ARHGEF33: variants seen among roughly 807,000 people sequenced by gnomAD.
The protein encoded by ARHGEF33 is DH and coiled-coil domain-containing protein ENSP00000381780.
In ARHGEF33, 72 loss-of-function variants were observed where a neutral mutation model predicts 101.9. That is an observed-to-expected ratio of 0.71 (90% CI 0.58 to 0.86). The LOEUF (loss-of-function observed/expected upper bound fraction) is 0.86. Among genes scored for constraint, ARHGEF33 ranks in the 40% least tolerant of loss-of-function variants. The pLI, the probability that ARHGEF33 is intolerant of heterozygous loss-of-function variation, is 0.00. For synonymous variants in ARHGEF33, 499 were observed against 442.5 expected, an observed-to-expected ratio of 1.13 and a Z score of -1.60; for missense variants, 1,169 against 1,111.3, an observed-to-expected ratio of 1.05 and a Z score of -0.74.
chr2:38,906,345 C>G (rs1480743632), intron 2 of ARHGEF33, among the ~76,000 whole-genome samples: 1 of 152,018 alleles, frequency 6.6e-6, no homozygotes, highest in Non-Finnish European at 1.5e-5. Flanking sequence ...TTGTTCCAAA[C>G]AAGGAAATTG....
At chr2:38,896,200 G>A (rs1234056129) in intron 2 of ARHGEF33, among the ~76,000 whole-genome samples, 16 of 152,170 alleles carry the variant, frequency 1.1e-4, no homozygotes, top group Admixed American at 9.8e-4. Flanking sequence ...GTGCAGTGGT[G>A]TGATCTTAGG....
chr2:38,959,647 C>T (rs749927728), intron 15 of ARHGEF33, 194 bp from the exon 16 acceptor site: 9 of 585,618 alleles, frequency 1.5e-5, no homozygotes, highest in Non-Finnish European at 2.6e-5. Flanking sequence ...CGGGCCTCCG[C>T]TCGACGGACT....
chr2:38,950,678 G>C (rs750565480), intron 10 of ARHGEF33, among the ~76,000 whole-genome samples: 1 of 152,184 alleles, frequency 6.6e-6, no homozygotes, highest in Non-Finnish European at 1.5e-5. Flanking sequence ...TCGAACTCCT[G>C]ACCTCAGGTG....
intron 12 of ARHGEF33, 104 bp downstream of exon 12, chr2:38,953,349 T>G: frequency 1.4e-6 from 1 of 726,950 alleles, no homozygotes; most frequent in Admixed American, 2.1e-5. Context: ...CTTTCTAGGC[T>G]GGGGAATGGC....
chr2:38,892,239 C>G (rs776498960), intron 1 of ARHGEF33, among the ~76,000 whole-genome samples: 1 of 152,134 alleles, frequency 6.6e-6, no homozygotes, highest in Non-Finnish European at 1.5e-5. Flanking sequence ...GGGGCAATGC[C>G]AGCCCTTTCC....
chr2:38,943,869 A>G (rs1667373904), intron 9 of ARHGEF33, 32 bp from the exon 10 acceptor site: 2 of 1,543,380 alleles, frequency 1.3e-6, no homozygotes, highest in Admixed American at 2.0e-5. Flanking sequence ...AGAAATGGTT[A>G]ATATCAAGTC....
chr2:38,907,184 G>A (rs962116741), intron 2 of ARHGEF33, among the ~76,000 whole-genome samples: 2 of 152,170 alleles, frequency 1.3e-5, no homozygotes, highest in African/African-American at 4.8e-5. Flanking sequence ...TAGTACCCAG[G>A]GACCATCGCT....
At chr2:38,927,799 T>G (rs183493048) in intron 4 of ARHGEF33, among the ~76,000 whole-genome samples, 73 of 152,344 alleles carry the variant, frequency 4.8e-4, no homozygotes, top group African/African-American at 1.7e-3. Flanking sequence ...TTCCTCCACT[T>G]GATAGAGTGT....
chr2:38,951,044 G>T lies in ARHGEF33; in HGVS notation c.976G>T (p.Ala326Ser). Residue 326 changes from alanine to serine, a missense_variant, in exon 11 of 18, where the codon GCA becomes TCA. Coordinates refer to ENST00000409978, the MANE Select transcript of ARHGEF33 (RefSeq NM_001145451.5). ...LVQQHLDLLH[A>S]LQERVLKWPR... ...CCAGCAGCACCTGGATCTGCTTCAC[G>T]CACTGCAGGAAAGGGTCCTGAAGTG... 2 of 1,552,076 alleles carry T rather than the reference G, an allele frequency of 1.3e-6. No homozygotes were observed. The highest frequency in any genetic ancestry group is 1.7e-6 in the Non-Finnish European group (2 of 1,146,992).
Position 38,929,692 on chromosome 2 carries a change from C to T in ARHGEF33, c.241-17C>T. On this transcript the variant is annotated splice_polypyrimidine_tract_variant and intron_variant, in intron 5 of 17. Coordinates refer to ENST00000409978, the MANE Select transcript of ARHGEF33 (RefSeq NM_001145451.5). ...CCCCATGTACCACGTTAAAACATAGCAATTCTTATTTTTTAGGAAGAGCTG... is the reference window on the plus strand; with the variant it reads ...CCCCATGTACCACGTTAAAACATAGTAATTCTTATTTTTTAGGAAGAGCTG... The T allele has an allele frequency of 1.9e-6, 3 of 1,549,378 alleles. No individual in the cohort carries two copies. Among genetic ancestry groups the T allele is most frequent in the Non-Finnish European group, 2.6e-6 (3 of 1,145,098 alleles).
At chr2:38,948,961 T>C (rs1480576906) in intron 10 of ARHGEF33, among the ~76,000 whole-genome samples, 1 of 152,148 alleles carries the variant, frequency 6.6e-6, no homozygotes, top group Admixed American at 6.5e-5. Flanking sequence ...AGCGCTCAGG[T>C]CAGGAGGCCT....
intron 17 of ARHGEF33, among the ~76,000 whole-genome samples, chr2:38,971,426 G>A (rs540976179): frequency 1.3e-5 from 2 of 152,180 alleles, no homozygotes; most frequent in South Asian, 4.1e-4. Context: ...CCTGCAGTCG[G>A]CCACGGTGGC....
chr2:38,949,661 T>A (rs113771030), intron 10 of ARHGEF33, among the ~76,000 whole-genome samples: 6,448 of 152,264 alleles, frequency 0.042, 281 homozygotes, highest in African/African-American at 0.11. Flanking sequence ...GCCTGGTCAG[T>A]AGCTGTGTTA....
At chr2:38,906,261 G>C (rs1031796916) in intron 2 of ARHGEF33, among the ~76,000 whole-genome samples, 5 of 151,840 alleles carry the variant, frequency 3.3e-5, no homozygotes, top group African/African-American at 1.2e-4. Flanking sequence ...CAAAGGAGAA[G>C]TATGTAATTC....
intron 2 of ARHGEF33, among the ~76,000 whole-genome samples, chr2:38,912,986 C>T (rs1408068593): frequency 6.6e-6 from 1 of 151,786 alleles, no homozygotes; most frequent in African/African-American, 2.4e-5. Flanking sequence ...ATTCTGTCTC[C>T]ACCATTCCTT....
At chr2:38,944,774 AAGCACTC>A (rs1412626872) in intron 10 of ARHGEF33, among the ~76,000 whole-genome samples, 1 of 152,150 alleles carries the variant, frequency 6.6e-6, no homozygotes, top group African/African-American at 2.4e-5. Context: ...TGGCAAACCG[AAGCACTC>A]AGTGGCCATT....
chr2:38,972,103 A>G (rs1668177744), intron 17 of ARHGEF33, among the ~76,000 whole-genome samples: 1 of 152,194 alleles, frequency 6.6e-6, no homozygotes, highest in Non-Finnish European at 1.5e-5. Flanking sequence ...ACAAGAAGAA[A>G]TAGCAGCCCA....
chr2:38,940,355 C>T (rs1667271569), intron 9 of ARHGEF33, among the ~76,000 whole-genome samples: 1 of 151,760 alleles, frequency 6.6e-6, no homozygotes, highest in South Asian at 2.1e-4. Context: ...CCTCAACATC[C>T]TGGGCTCAAG....
intron 2 of ARHGEF33, among the ~76,000 whole-genome samples, chr2:38,897,156 C>T (rs12617734): frequency 0.58 from 88,385 of 151,996 alleles, 27,722 homozygotes; most frequent in East Asian, 0.81. Flanking sequence ...CCCAGTGGTC[C>T]GCCCGCCTCG....
Sources: allele counts gnomAD v4.1 joint callset (sites outside exome capture counted in the v4.1 genomes callset), GRCh38; gene constraint gnomAD v4.1.1; transcripts MANE v1.5; gene names NCBI Gene and HGNC (gene_info 2026-07-23, HGNC 2026-07-21).